LEPR: variants seen among roughly 807,000 people sequenced by gnomAD.
LEPR encodes the protein OB receptor.
A neutral mutation model predicts 114.7 loss-of-function variants in LEPR; 56 were observed. The observed-to-expected ratio is 0.49, with a 90% confidence interval of 0.39 to 0.61. The LOEUF is 0.61. LEPR is among the 20% of genes least tolerant of loss of function. The pLI, the probability that LEPR is intolerant of heterozygous loss-of-function variation, is 0.00. For missense variants in LEPR, 1,202 were observed against 1,352.9 expected (o/e 0.89, Z 1.75); for synonymous variants, 443 against 461.4 (o/e 0.96, Z 0.51).
chr1:65,534,343 A>G (rs1650609795), intron 2 of LEPR, among the ~76,000 whole-genome samples: 1 of 152,200 alleles, frequency 6.6e-6, no homozygotes. Flanking sequence ...CACTTTGAGC[A>G]CTAATGAGTA....
intron 5 of LEPR, among the ~76,000 whole-genome samples, chr1:65,580,143 A>G (rs1177414511): frequency 3.4e-4 from 52 of 152,178 alleles, no homozygotes; most frequent in Admixed American, 3.4e-3. Context: ...TAATATGTTC[A>G]TTGCACCAAC....
chr1:65,488,234 T>C (rs199630166), intron 2 of LEPR, among the ~76,000 whole-genome samples: 4,838 of 89,728 alleles, frequency 0.054, 207 homozygotes, highest in Non-Finnish European at 0.092. Context: ...CTCTCTTTCT[T>C]TCTTTCTTTC....
chr1:65,598,401 A>G (rs1401341817), intron 7 of LEPR, among the ~76,000 whole-genome samples: 3 of 152,026 alleles, frequency 2.0e-5, no homozygotes, highest in East Asian at 3.9e-4. Context: ...AAGGTCATAT[A>G]TTCATCATGA....
At chr1:65,606,865 A>G (rs1656845299) in intron 11 of LEPR, among the ~76,000 whole-genome samples, 2 of 152,186 alleles carry the variant, frequency 1.3e-5, no homozygotes, top group Non-Finnish European at 2.9e-5. Flanking sequence ...CATGACGGAA[A>G]AAGTTTAGGT....
intron 2 of LEPR, among the ~76,000 whole-genome samples, chr1:65,537,762 G>A (rs1343485697): frequency 6.6e-6 from 1 of 152,036 alleles, no homozygotes; most frequent in East Asian, 1.9e-4. Context: ...TTTAGGTTTA[G>A]TATTTGTTAT....
intron 1 of LEPR, 63 bp from the exon 2 acceptor site, chr1:65,425,240 A>G (rs185774982): frequency 6.1e-5 from 88 of 1,444,844 alleles, no homozygotes; most frequent in African/African-American, 5.7e-4. Flanking sequence ...CATTTCCCCA[A>G]ACCCTCTAGT....
chr1:65,559,884 G>C (rs1453810014), intron 2 of LEPR, among the ~76,000 whole-genome samples: 1 of 136,098 alleles, frequency 7.3e-6, no homozygotes, highest in Non-Finnish European at 1.6e-5. Context: ...TATTTCTGAG[G>C]GCTCTGTTCT....
intron 2 of LEPR, among the ~76,000 whole-genome samples, chr1:65,502,332 A>T (rs754306070): frequency 6.6e-6 from 1 of 152,154 alleles, no homozygotes; most frequent in Non-Finnish European, 1.5e-5. Flanking sequence ...CCAAGGAGAG[A>T]GGTTTTAGGA....
At chr1:65,512,004 C>T (rs557409888) in intron 2 of LEPR, among the ~76,000 whole-genome samples, 16 of 152,204 alleles carry the variant, frequency 1.1e-4, no homozygotes, top group Admixed American at 2.0e-4. Flanking sequence ...CTTCTGGGGA[C>T]GCCTCAGGAA....
At chr1:65,525,231 T>A (rs1250612498) in intron 2 of LEPR, among the ~76,000 whole-genome samples, 1 of 151,442 alleles carries the variant, frequency 6.6e-6, no homozygotes, top group African/African-American at 2.4e-5. Flanking sequence ...CAACCTTAAT[T>A]GTAGCATTTT....
At chr1:65,634,556 A>G (rs946557933) in intron 19 of LEPR, 3 of 947,966 alleles carry the variant, frequency 3.2e-6, no homozygotes, top group African/African-American at 1.8e-5. Flanking sequence ...TTTCTTATCA[A>G]TTATGAGTGA....
intron 2 of LEPR, among the ~76,000 whole-genome samples, chr1:65,471,193 A>T (rs1235037252): frequency 6.6e-6 from 1 of 152,176 alleles, no homozygotes; most frequent in Non-Finnish European, 1.5e-5. Flanking sequence ...GGAGAACCAG[A>T]CTTAAGGTAG....
At chr1:65,472,433 C>CACAA (rs1553156046) in intron 2 of LEPR, among the ~76,000 whole-genome samples, 2 of 143,434 alleles carry the variant, frequency 1.4e-5, no homozygotes, top group Non-Finnish European at 3.0e-5. Context: ...CACACACACA[C>CACAA]ACACACACAC....
At chr1:65,464,325 G>A (rs984529985) in intron 2 of LEPR, among the ~76,000 whole-genome samples, 18 of 152,122 alleles carry the variant, frequency 1.2e-4, no homozygotes, top group African/African-American at 1.9e-4. Flanking sequence ...GATGGATTAC[G>A]TTTATTGATT....
chr1:65,582,408 G>A (rs1655049666), intron 5 of LEPR, among the ~76,000 whole-genome samples: 1 of 152,156 alleles, frequency 6.6e-6, no homozygotes. Flanking sequence ...TTCATGGGAT[G>A]TTGGACTGAG....
chr1:65,488,623 C>G, intron 2 of LEPR, among the ~76,000 whole-genome samples: 1 of 151,894 alleles, frequency 6.6e-6, no homozygotes, highest in Non-Finnish European at 1.5e-5. Flanking sequence ...GCCACCATGC[C>G]CAGCCTAGTT....
intron 2 of LEPR, among the ~76,000 whole-genome samples, chr1:65,471,621 C>T (rs937084679): frequency 6.6e-6 from 1 of 152,130 alleles, no homozygotes; most frequent in Non-Finnish European, 1.5e-5. Flanking sequence ...TTGACCAAAT[C>T]TTTGATGGAC....
In LEPR at chr1:65,547,983, G is replaced by A. The variant is rs576332182; in HGVS notation, c.-20-17563G>A. 3.8e-4 allele frequency among the ~76,000 whole-genome samples: 57 copies of A among 151,494 alleles called. No individual in the cohort carries two copies. The East Asian group carries it at 7.7e-3, about 21-fold the overall frequency. On this transcript the variant is annotated intron_variant, in intron 2 of 19. Coordinates refer to ENST00000349533, the MANE Select transcript of LEPR (RefSeq NM_002303.6). ...TCTCTCTACACACTGCTTTGAATGTGTCCCAGAGATTCTGGTATGTTGTGT... is the reference window on the plus strand; with the variant it reads ...TCTCTCTACACACTGCTTTGAATGTATCCCAGAGATTCTGGTATGTTGTGT...
intron 2 of LEPR, chr1:65,525,986 G>A (rs1370411982): frequency 3.1e-5 from 24 of 764,952 alleles, no homozygotes; most frequent in Non-Finnish European, 3.7e-5. Flanking sequence ...GCCAGCGCCC[G>A]GCGGGCGGCG....
Sources: gnomAD v4.1 joint callset for allele counts (sites outside exome capture counted in the v4.1 genomes callset) on GRCh38, gnomAD v4.1.1 for gene constraint, MANE v1.5 for transcripts, NCBI Gene and HGNC (gene_info 2026-07-23, HGNC 2026-07-21) for gene names.